The following NFATC3 variants were observed in gnomAD, a reference collection of about 807,000 sequenced individuals.
NFATC3 encodes the protein nuclear factor of activated T-cells, cytoplasmic 3.
Under a neutral mutation model 98.6 loss-of-function variants are expected in NFATC3, and 46 were observed. The observed-to-expected ratio is 0.47, with a 90% CI of 0.37 to 0.60. The LOEUF is 0.60. Ranked by LOEUF, NFATC3 falls within the 20% of genes least tolerant of loss-of-function variation. The pLI is 0.00. For missense variants in NFATC3, 1,256 were observed against 1,295.5 expected (o/e 0.97, Z 0.47); for synonymous variants, 512 against 472.2 (o/e 1.08, Z -1.09).
intron 1 of NFATC3, among the ~76,000 whole-genome samples, chr16:68,112,228 T>A (rs557052430): frequency 6.6e-6 from 1 of 151,266 alleles, no homozygotes; most frequent in Admixed American, 6.6e-5. Context: ...TTGGATGCGA[T>A]CTCCCCGTCT....
intron 4 of NFATC3, among the ~76,000 whole-genome samples, chr16:68,158,343 GTCTA>G (rs1247763066): frequency 2.0e-5 from 3 of 152,084 alleles, no homozygotes; most frequent in Admixed American, 6.6e-5. Context: ...ATGGCTCACA[GTCTA>G]TCTAATAGGG....
intron 9 of NFATC3, among the ~76,000 whole-genome samples, chr16:68,192,715 T>C (rs1278137351): frequency 6.6e-6 from 1 of 151,986 alleles, no homozygotes; most frequent in Admixed American, 6.6e-5. Context: ...TACAAAAAAT[T>C]AGCCAGGCAT....
intron 3 of NFATC3, among the ~76,000 whole-genome samples, chr16:68,140,390 G>A (rs2037685809): frequency 6.6e-6 from 1 of 152,176 alleles, no homozygotes; most frequent in African/African-American, 2.4e-5. Context: ...AGAGGGAAGG[G>A]TTTAGAGCTG....
chr16:68,133,905 T>G (rs1251600873), intron 3 of NFATC3, among the ~76,000 whole-genome samples: 1 of 152,062 alleles, frequency 6.6e-6, no homozygotes, highest in Admixed American at 6.6e-5. Flanking sequence ...AAAATGACTT[T>G]CGATGGACAA....
chr16:68,152,242 G>A (rs2038372598), intron 3 of NFATC3, among the ~76,000 whole-genome samples: 1 of 151,198 alleles, frequency 6.6e-6, no homozygotes, highest in Non-Finnish European at 1.5e-5. Flanking sequence ...AGCTGGGCAT[G>A]GTAGTATGTG....
intron 3 of NFATC3, among the ~76,000 whole-genome samples, chr16:68,143,807 A>G (rs1324680480): frequency 6.6e-6 from 1 of 152,142 alleles, no homozygotes; most frequent in Non-Finnish European, 1.5e-5. Context: ...AGCTGCTATC[A>G]CACCACTGCA....
At chr16:68,113,402 C>T (rs368271040) in intron 1 of NFATC3, among the ~76,000 whole-genome samples, 2 of 152,200 alleles carry the variant, frequency 1.3e-5, no homozygotes, top group South Asian at 2.1e-4. Flanking sequence ...TCATCTACCC[C>T]CTCCTGCACC....
chr16:68,085,483 C>T lies in NFATC3; in HGVS notation c.-199C>T, dbSNP rs2034313757. ...GCACCGGTGGCGGGCGGCTGCGGTTCCTGGTGCTGCTCGGCGCGCGGCCAG... is the reference window on the plus strand; with the variant it reads ...GCACCGGTGGCGGGCGGCTGCGGTTTCTGGTGCTGCTCGGCGCGCGGCCAG... On this transcript the variant is annotated 5_prime_UTR_variant, in exon 1 of 10. Coordinates refer to ENST00000346183, the MANE Select transcript of NFATC3 (RefSeq NM_173165.3). 3 of 481,108 alleles carry T rather than the reference C, an allele frequency of 6.2e-6. No homozygotes were observed. Among genetic ancestry groups the T allele is most frequent in the Non-Finnish European group, 1.1e-5 (3 of 275,218 alleles). The allele number at this position is 481,108 out of a possible 1,614,324, so 29.8% of individuals were successfully genotyped here.
intron 9 of NFATC3, chr16:68,209,647 T>G: frequency 2.5e-6 from 1 of 403,054 alleles, no homozygotes. Context: ...TTCATAGAGG[T>G]TCTTTGTGCT....
chr16:68,126,640 A>C, intron 3 of NFATC3, 30 bp downstream of exon 3: 1 of 1,610,746 alleles, frequency 6.2e-7, no homozygotes, highest in Non-Finnish European at 8.5e-7. Context: ...TGTTTTGCAG[A>C]TACCATACAC....
intron 5 of NFATC3, among the ~76,000 whole-genome samples, chr16:68,169,069 G>A (rs1213515707): frequency 1.3e-5 from 2 of 152,106 alleles, no homozygotes; most frequent in African/African-American, 4.8e-5. Flanking sequence ...ATAGGCATGA[G>A]CTACCACATT....
intron 9 of NFATC3, chr16:68,214,469 C>G: frequency 6.3e-7 from 1 of 1,577,616 alleles, no homozygotes; most frequent in South Asian, 1.1e-5. Context: ...GTTTTTGTGC[C>G]CAAGTCTGGT....
rs749711121 is a variant in NFATC3, at chr16:68,216,022, T to C, written c.3107-10328T>C. ...GGATGACAGGCATGAGCCACCGCGC[T>C]GGCCCAGATTTACACATATTAAGTG... On this transcript the variant is annotated intron_variant, in intron 9 of 9. Transcript: ENST00000346183. Among the ~76,000 whole-genome samples the C allele has an allele frequency of 5.4e-3, 820 of 152,188 alleles. 3 individuals are homozygous for C. The highest frequency in any genetic ancestry group is 0.014 in the Middle Eastern group (4 of 294).
intron 3 of NFATC3, among the ~76,000 whole-genome samples, chr16:68,132,738 C>T (rs1333591296): frequency 6.6e-6 from 1 of 152,128 alleles, no homozygotes; most frequent in African/African-American, 2.4e-5. Context: ...ACCTGGAGGA[C>T]ATTATATTAA....
At chr16:68,101,247 A>G (rs1460977101) in intron 1 of NFATC3, among the ~76,000 whole-genome samples, 3 of 151,406 alleles carry the variant, frequency 2.0e-5, no homozygotes, top group East Asian at 1.9e-4. Context: ...GGCTCAAGCT[A>G]TTCCTCCTGC....
At chr16:68,164,387 G>C (rs1439237096) in intron 4 of NFATC3, among the ~76,000 whole-genome samples, 1 of 152,154 alleles carries the variant, frequency 6.6e-6, no homozygotes, top group Non-Finnish European at 1.5e-5. Context: ...CGTGGAAAGA[G>C]AGGGAGAGGG....
At position 68,085,627 on chromosome 16, in the gene NFATC3, T is replaced by TGCCGCTGCC. The variant is rs1441803591; in HGVS notation, c.-49_-41dup. On this transcript the variant is annotated 5_prime_UTR_variant, in exon 1 of 10. Coordinates refer to ENST00000346183, the MANE Select transcript of NFATC3 (RefSeq NM_173165.3). ...GCGTTGAGGAGCTGCTGCCGCCGCT[T>TGCCGCTGCC]GCCGCTGCCGCCGCCGCCGCCTGAG... The TGCCGCTGCC allele has an allele frequency of 1.4e-6, 2 of 1,443,906 alleles. No individual in the cohort carries two copies. Among genetic ancestry groups the TGCCGCTGCC allele is most frequent in the African/African-American group, 1.5e-5 (1 of 66,954 alleles). The allele number at this position is 1,443,906 out of a possible 1,614,324, so 89.4% of individuals were successfully genotyped here.
chr16:68,159,493 G>T lies in NFATC3; in HGVS notation c.1601+1425G>T, dbSNP rs8047913. Reference sequence around the variant, plus strand: ...GGTTGGAGTGCAGTGGTGCAATCTCGGCTCACGCAAGCTCCGCCTCCTGGG... The same window carrying T: ...GGTTGGAGTGCAGTGGTGCAATCTCTGCTCACGCAAGCTCCGCCTCCTGGG... On this transcript the variant is annotated intron_variant, in intron 4 of 9. Transcript: ENST00000346183. 4.0e-3 allele frequency among the ~76,000 whole-genome samples: 593 copies of T among 149,096 alleles called. 6 individuals carry two copies. Among genetic ancestry groups the T allele is most frequent in the African/African-American group, 0.014 (579 of 40,202 alleles).
chr16:68,213,553 C>A (rs117938192), intron 9 of NFATC3, among the ~76,000 whole-genome samples: 1 of 151,990 alleles, frequency 6.6e-6, no homozygotes, highest in African/African-American at 2.4e-5. Context: ...TCCAGGCGGG[C>A]ATGGTGGCTT....
Sources: allele counts gnomAD v4.1 joint callset (sites outside exome capture counted in the v4.1 genomes callset), GRCh38; gene constraint gnomAD v4.1.1; transcripts MANE v1.5; gene names NCBI Gene and HGNC (gene_info 2026-07-23, HGNC 2026-07-21).